The following CYP2B6 variants were observed in gnomAD, a reference collection of about 807,000 sequenced individuals.
CYP2B6 encodes cytochrome P450 2B6.
In CYP2B6, 35 loss-of-function variants were observed where a neutral mutation model predicts 43.4. The ratio of observed to expected loss-of-function variants is 0.81; its 90% CI spans 0.62 to 1.07. CYP2B6 has a LOEUF of 1.07. CYP2B6 is among the 50% of genes least tolerant of loss of function. The probability of loss-of-function intolerance (pLI) is 0.00; values close to 1 mark genes in which losing one functional copy is unlikely to be tolerated. For synonymous variants in CYP2B6, 239 were observed against 239.2 expected (o/e 1.00, Z 0.01); for missense variants, 624 against 632.8 (o/e 0.99, Z 0.15).
In CYP2B6 at chr19:41,006,966, C is replaced by T. The variant is rs45459594; in HGVS notation, c.546C>T (p.Ile182=). 2.0e-4 allele frequency: 329 copies of T among 1,613,848 alleles called. No homozygotes were observed. The African/African-American group carries it at 3.4e-3, about 17-fold the overall frequency. ...QSITANIICS[I]VFGKRFHYQD... Reference sequence around the variant, plus strand: ...TTACCGCCAACATCATCTGCTCCATCGTCTTTGGAAAACGATTCCACTACC... The same window carrying T: ...TTACCGCCAACATCATCTGCTCCATTGTCTTTGGAAAACGATTCCACTACC... Residue 182 remains isoleucine (I), a synonymous_variant, in exon 4 of 9, where the codon ATC becomes ATT. Coordinates refer to ENST00000324071, the MANE Select transcript of CYP2B6 (RefSeq NM_000767.5).
chr19:41,002,202 T>C (rs938140516), intron 1 of CYP2B6, among the ~76,000 whole-genome samples: 3 of 152,218 alleles, frequency 2.0e-5, no homozygotes, highest in African/African-American at 4.8e-5. Context: ...TTTTACATTT[T>C]AGTGGGGTTA....
At chr19:41,001,024 A>G (rs560204952) in intron 1 of CYP2B6, among the ~76,000 whole-genome samples, 6 of 152,092 alleles carry the variant, frequency 3.9e-5, no homozygotes, top group African/African-American at 1.4e-4. Flanking sequence ...GGGCAACAAA[A>G]GTGAAACTCC....
chr19:41,016,399 C>CAAAAAAAAAAAA (rs869180190), intron 8 of CYP2B6, among the ~76,000 whole-genome samples: 3 of 76,878 alleles, frequency 3.9e-5, no homozygotes, highest in Non-Finnish European at 5.5e-5. Flanking sequence ...GACTCCATCT[C>CAAAAAAAAAAAA]AAAAAAAAAA....
intron 6 of CYP2B6, among the ~76,000 whole-genome samples, chr19:41,010,410 T>G (rs913267478): frequency 9.8e-5 from 11 of 112,820 alleles, no homozygotes; most frequent in South Asian, 2.5e-4. Flanking sequence ...TGTTTTTTGG[T>G]TTTTTTTTTT....
chr19:41,000,295 G>T (rs1415722501), intron 1 of CYP2B6, among the ~76,000 whole-genome samples: 8 of 152,104 alleles, frequency 5.3e-5, no homozygotes, highest in Non-Finnish European at 2.9e-5. Context: ...CTGTGGCTGA[G>T]CTCTCCCTCA....
At chr19:41,009,895 A>C in intron 5 of CYP2B6, 99 bp from the exon 6 acceptor site, 1 of 1,462,924 alleles carries the variant, frequency 6.8e-7, no homozygotes, top group Non-Finnish European at 9.5e-7. Flanking sequence ...AGTGTCAAAG[A>C]CCTTTAGGCC....
At chr19:41,012,946 A>C (rs778286943) in intron 8 of CYP2B6, 131 bp downstream of exon 8, 4 of 1,075,054 alleles carry the variant, frequency 3.7e-6, no homozygotes, top group Middle Eastern at 2.0e-4. Context: ...GCCTTATCCC[A>C]TTCCATCTTC....
Position 41,004,139 on chromosome 19 carries a change from G to T in CYP2B6, c.310G>T (p.Val104Phe). 2.5e-6 allele frequency: 4 copies of T among 1,593,238 alleles called. No homozygotes were observed. Among genetic ancestry groups the T allele is most frequent in the East Asian group, 2.3e-5 (1 of 43,464 alleles). ...CTCTGGCCGGGGAAAAATCGCCATGGTCGACCCATTCTTCCGGGGATATGG... is the reference window on the plus strand; with the variant it reads ...CTCTGGCCGGGGAAAAATCGCCATGTTCGACCCATTCTTCCGGGGATATGG... ...AFSGRGKIAM[V>F]DPFFRGYGVI... is the part of the protein sequence containing the mutation. The change falls in exon 2 of 9, where the codon GTC (valine) becomes TTC (phenylalanine). Residue 104 changes from valine (V) to phenylalanine (F), a missense_variant. Val to Phe is a conservative substitution (Grantham distance 50). Transcript: ENST00000324071.
At position 41,004,445 on chromosome 19, in the gene CYP2B6, G is replaced by T; in HGVS notation, c.483G>T (p.Lys161Asn). The change falls in exon 3 of 9, where the codon AAG (lysine) becomes AAT (asparagine). Residue 161 changes from lysine to asparagine, a missense_variant and splice_region_variant. By Grantham distance (94) the Lys-to-Asn change is moderately conservative. Transcript: ENST00000324071. ...QCLIEELRKS[K>N]GALMDPTFLF... ...TGATAGAGGAGCTTCGGAAATCCAA[G>T]GGTGAGTCCTGGGGGATGAATAGGA... 2 of 1,613,724 alleles carry T rather than the reference G, an allele frequency of 1.2e-6. No homozygotes were observed. The highest frequency in any genetic ancestry group is 1.7e-6 in the Non-Finnish European group (2 of 1,179,918).
chr19:40,991,468 T>A lies in CYP2B6; in HGVS notation c.163T>A (p.Phe55Ile). ...QMDRRGLLKSFLRFREKYGDV... is the reference protein window; with the variant it reads ...QMDRRGLLKSILRFREKYGDV... Reference sequence around the variant, plus strand: ...GGATAGAAGAGGCCTACTCAAATCCTTTCTGAGGGTAAGACACAGACGAAT... The same window carrying A: ...GGATAGAAGAGGCCTACTCAAATCCATTCTGAGGGTAAGACACAGACGAAT... The change falls in exon 1 of 9, where the codon TTT becomes ATT. Residue 55 changes from phenylalanine to isoleucine, a missense_variant. Coordinates refer to ENST00000324071, the MANE Select transcript of CYP2B6 (RefSeq NM_000767.5). The A allele has an allele frequency of 6.2e-7, 1 of 1,613,774 alleles. No individual in the cohort carries two copies. The highest frequency in any genetic ancestry group is 8.5e-7 in the Non-Finnish European group (1 of 1,180,010).
chr19:41,016,191 C>T (rs1400571848), intron 8 of CYP2B6, among the ~76,000 whole-genome samples: 194 of 152,016 alleles, frequency 1.3e-3, no homozygotes, highest in African/African-American at 4.5e-3. Flanking sequence ...AGGTCAGGAG[C>T]TCGAGGCTAG....
chr19:41,015,192 C>CT lies in CYP2B6; in HGVS notation c.1295-1453dup, dbSNP rs202244557. ...AGGTATAACCCAAGCCAAAAGGGTA[C>CT]TGCAGCCAAAGAAATTCGAAAGGTG... On this transcript the variant is annotated intron_variant, in intron 8 of 8. Transcript: ENST00000324071. Among the ~76,000 whole-genome samples, 1,366 of 152,236 alleles carry CT rather than the reference C, an allele frequency of 9.0e-3. 15 individuals carry two copies. Among genetic ancestry groups the CT allele is most frequent in the Middle Eastern group, 0.034 (10 of 294 alleles).
At chr19:40,992,201 C>CAAAAAAAAAAAAA (rs561830421) in intron 1 of CYP2B6, among the ~76,000 whole-genome samples, 18 of 62,584 alleles carry the variant, frequency 2.9e-4, no homozygotes, top group African/African-American at 6.0e-4. Context: ...GACTCCTTCT[C>CAAAAAAAAAAAAA]AAAAAAAAAA....
At chr19:41,007,135 G>C (rs1300541860) in intron 4 of CYP2B6, 70 bp downstream of exon 4, 1 of 1,492,218 alleles carries the variant, frequency 6.7e-7, no homozygotes, top group Non-Finnish European at 9.3e-7. Context: ...AGAAAAGGAT[G>C]ACCTGTCTTG....
At chr19:41,016,399 C>CA (rs869180190) in intron 8 of CYP2B6, among the ~76,000 whole-genome samples, 1,367 of 76,640 alleles carry the variant, frequency 0.018, 194 homozygotes, top group Non-Finnish European at 0.03. Context: ...GACTCCATCT[C>CA]AAAAAAAAAA....
chr19:40,996,179 T>A (rs1968996978), intron 1 of CYP2B6, among the ~76,000 whole-genome samples: 1 of 152,092 alleles, frequency 6.6e-6, no homozygotes, highest in African/African-American at 2.4e-5. Flanking sequence ...AGACAGGCTG[T>A]TAATATTCTC....
intron 1 of CYP2B6, 95 bp downstream of exon 1, chr19:40,991,571 T>TTC: frequency 7.2e-7 from 1 of 1,394,726 alleles, no homozygotes; most frequent in Admixed American, 1.7e-5. Context: ...ACTTCCAGAG[T>TTC]CAGGGGTGGC....
intron 1 of CYP2B6, among the ~76,000 whole-genome samples, chr19:40,996,477 A>G (rs1351394524): frequency 1.3e-5 from 2 of 152,174 alleles, no homozygotes; most frequent in Non-Finnish European, 2.9e-5. Context: ...AAAACATGCA[A>G]TGAAGCTGGC....
rs190474758 is a variant in CYP2B6 at position 40,997,251 on chromosome 19, G to T, written c.171+5775G>T. On this transcript the variant is annotated intron_variant, in intron 1 of 8. Transcript: ENST00000324071. ...CACATAGTGCCCTATACCGGTAACT[G>T]CCACTGGCTCAGTATTTACCTGGGT... is the stretch of plus-strand genomic sequence containing the variant. Among the ~76,000 whole-genome samples the T allele has an allele frequency of 5.5e-3, 840 of 151,992 alleles. 10 individuals carry two copies. The highest frequency in any genetic ancestry group is 0.019 in the African/African-American group (780 of 41,346).
Sources: gnomAD v4.1 joint callset for allele counts (sites outside exome capture counted in the v4.1 genomes callset) on GRCh38, gnomAD v4.1.1 for gene constraint, MANE v1.5 for transcripts, NCBI Gene and HGNC (gene_info 2026-07-23, HGNC 2026-07-21) for gene names.